Variants in TBCA observed in about 807,000 individuals in gnomAD.
TBCA encodes the protein tubulin folding cofactor A.
Under a neutral mutation model 15.8 loss-of-function variants are expected in TBCA, and 6 were observed. The observed-to-expected ratio is 0.38, with a 90% confidence interval of 0.21 to 0.75. The LOEUF is 0.75. TBCA is among the 30% of genes least tolerant of loss of function. The pLI is 0.46. For synonymous variants in TBCA, 32 were observed against 42.3 expected (o/e 0.76, Z 0.94); for missense variants, 90 against 131.2 (o/e 0.69, Z 1.53).
intron 1 of TBCA, among the ~76,000 whole-genome samples, chr5:77,752,197 G>GAA (rs1747361036): frequency 6.6e-6 from 1 of 152,162 alleles, no homozygotes; most frequent in Admixed American, 6.5e-5. Flanking sequence ...GATGATACCA[G>GAA]CCTACGAAAT....
intron 1 of TBCA, among the ~76,000 whole-genome samples, chr5:77,735,815 T>C (rs1386932626): frequency 6.6e-6 from 1 of 152,214 alleles, no homozygotes; most frequent in Non-Finnish European, 1.5e-5. Context: ...GAAATGGTGT[T>C]GGCAAATATG....
chr5:77,757,566 C>G (rs1747505384), intron 1 of TBCA, among the ~76,000 whole-genome samples: 1 of 152,200 alleles, frequency 6.6e-6, no homozygotes, highest in African/African-American at 2.4e-5. Flanking sequence ...ATCAGGGATT[C>G]TCTGGAGGCA....
At chr5:77,770,476 G>A (rs1005866815) in intron 1 of TBCA, among the ~76,000 whole-genome samples, 1 of 152,044 alleles carries the variant, frequency 6.6e-6, no homozygotes, top group Non-Finnish European at 1.5e-5. Flanking sequence ...AGTTTGCCTG[G>A]GACTTTCCCA....
chr5:77,759,000 T>C lies in TBCA; in HGVS notation c.53+17205A>G, dbSNP rs1747542730. ...TGGCACCAACTGCCGATTATCATTT[T>C]TAGAGAGGCAGTGGGATAACTGCCA... On this transcript the variant is annotated intron_variant, in intron 1 of 3. Transcript: ENST00000380377. Among the ~76,000 whole-genome samples, 4 of 152,324 alleles carry C rather than the reference T, an allele frequency of 2.6e-5. No individual in the cohort carries two copies. The South Asian group carries it at 8.3e-4, about 32-fold the overall frequency.
At chr5:77,768,030 GAC>G (rs1433495481) in intron 1 of TBCA, among the ~76,000 whole-genome samples, 3 of 152,124 alleles carry the variant, frequency 2.0e-5, no homozygotes, top group African/African-American at 2.4e-5. Flanking sequence ...GCCATGTGAA[GAC>G]ACAGTGTTCA....
rs146241816 is a variant in TBCA, at chr5:77,750,131, GCT to G, written c.53+26072_53+26073del. Among the ~76,000 whole-genome samples the G allele has an allele frequency of 8.8e-3, 1,260 of 143,862 alleles. 18 individuals are homozygous for G. The highest frequency in any genetic ancestry group is 0.031 in the African/African-American group (1,119 of 36,460). 94.4% of individuals were successfully genotyped at this position (143,862 alleles called of 152,430 possible). ...CCTCTTTGTACCTTTGCAAATTTGT[GCT>G]CTCTCTCTATATATATAGAGAGAGA... is the stretch of plus-strand genomic sequence containing the variant. On this transcript the variant is annotated intron_variant, in intron 1 of 3. Transcript: ENST00000380377.
intron 2 of TBCA, among the ~76,000 whole-genome samples, chr5:77,696,700 T>G (rs756148918): frequency 6.6e-6 from 1 of 152,220 alleles, no homozygotes; most frequent in Non-Finnish European, 1.5e-5. Flanking sequence ...GGCAGGAAGA[T>G]AGCTTGAGGC....
intron 1 of TBCA, among the ~76,000 whole-genome samples, chr5:77,746,401 G>A (rs974421648): frequency 6.6e-6 from 1 of 152,022 alleles, no homozygotes; most frequent in Non-Finnish European, 1.5e-5. Context: ...AACATAAAAA[G>A]GGTTTATTTT....
At chr5:77,724,341 T>A (rs1746585771) in intron 1 of TBCA, among the ~76,000 whole-genome samples, 2 of 152,122 alleles carry the variant, frequency 1.3e-5, no homozygotes, top group Non-Finnish European at 2.9e-5. Context: ...TCCAATTGTT[T>A]AAATTAGTCA....
intron 1 of TBCA, among the ~76,000 whole-genome samples, chr5:77,760,877 C>T (rs1466186961): frequency 6.6e-6 from 1 of 152,008 alleles, no homozygotes; most frequent in African/African-American, 2.4e-5. Flanking sequence ...TCTGCCTGGC[C>T]ACCCATCGTC....
intron 1 of TBCA, among the ~76,000 whole-genome samples, chr5:77,726,352 G>A (rs1448054105): frequency 1.3e-5 from 2 of 152,154 alleles, no homozygotes; most frequent in East Asian, 1.9e-4. Flanking sequence ...GCCACTGTTC[G>A]TTGAATTCTA....
At chr5:77,767,294 C>G (rs980865636) in intron 1 of TBCA, among the ~76,000 whole-genome samples, 3 of 152,164 alleles carry the variant, frequency 2.0e-5, no homozygotes, top group Non-Finnish European at 2.9e-5. Flanking sequence ...AGAATACACA[C>G]AAGCACACAC....
At chr5:77,716,027 T>TA (rs1257486198) in intron 1 of TBCA, among the ~76,000 whole-genome samples, 4 of 152,222 alleles carry the variant, frequency 2.6e-5, no homozygotes, top group African/African-American at 9.6e-5. Context: ...GAGGGCCTTA[T>TA]ATGAACAGAC....
intron 1 of TBCA, among the ~76,000 whole-genome samples, chr5:77,757,933 G>T (rs535521412): frequency 1.3e-5 from 2 of 152,252 alleles, no homozygotes; most frequent in South Asian, 4.1e-4. Context: ...AATCTGTACG[G>T]GTCTGCAGCA....
At chr5:77,701,758 G>C (rs1297809852) in intron 2 of TBCA, among the ~76,000 whole-genome samples, 1 of 139,546 alleles carries the variant, frequency 7.2e-6, no homozygotes, top group Non-Finnish European at 1.5e-5. Flanking sequence ...AAATAGCAAT[G>C]AGTTAATGGC....
At chr5:77,738,387 C>T (rs1019844763) in intron 1 of TBCA, among the ~76,000 whole-genome samples, 12 of 152,186 alleles carry the variant, frequency 7.9e-5, no homozygotes, top group African/African-American at 2.9e-4. Flanking sequence ...TACTTGCCCC[C>T]TGACCCTCAG....
At chr5:77,755,883 A>C (rs1191732076) in intron 1 of TBCA, among the ~76,000 whole-genome samples, 2 of 152,080 alleles carry the variant, frequency 1.3e-5, no homozygotes. Context: ...GCATGCCTGT[A>C]ATCCCAGCTA....
chr5:77,721,864 T>C (rs1029577892), intron 1 of TBCA, among the ~76,000 whole-genome samples: 6 of 152,056 alleles, frequency 3.9e-5, no homozygotes, highest in African/African-American at 1.4e-4. Context: ...CAAAGTAAAA[T>C]GGTCATTTTA....
At chr5:77,691,739 A>G (rs187861537) in intron 3 of TBCA, 8 of 1,159,550 alleles carry the variant, frequency 6.9e-6, no homozygotes, top group Non-Finnish European at 7.4e-6. Context: ...AAATAAGTGA[A>G]TAACAGTCTT....
Sources: allele counts gnomAD v4.1 joint callset (sites outside exome capture counted in the v4.1 genomes callset), GRCh38; gene constraint gnomAD v4.1.1; transcripts MANE v1.5; gene names NCBI Gene and HGNC (gene_info 2026-07-23, HGNC 2026-07-21).